The following ATRN variants were observed in gnomAD, a reference collection of about 807,000 sequenced individuals.
ATRN encodes attractin, also known as attractin-2.
ATRN carries 54 observed loss-of-function variants against 178.7 expected under a neutral mutation model. The observed-to-expected ratio is 0.30, with a 90% CI of 0.24 to 0.38. The LOEUF is 0.38. ATRN is among the 10% of genes least tolerant of loss of function. ATRN has a pLI of 1.00. For missense variants in ATRN, 1,443 were observed against 1,815.1 expected (o/e 0.79, Z 3.73); for synonymous variants, 636 against 663.0 (o/e 0.96, Z 0.63).
rs1285811353 is a variant in ATRN, at chr20:3,604,230, G to A, written c.3769G>A (p.Val1257Ile). The A allele has an allele frequency of 1.2e-6, 2 of 1,609,526 alleles. No homozygotes were observed. Among genetic ancestry groups the A allele is most frequent in the Non-Finnish European group, 1.7e-6 (2 of 1,178,882 alleles). The change falls in exon 24 of 29, where the codon GTC (valine) becomes ATC (isoleucine). Residue 1257 changes from valine to isoleucine, a missense_variant. Physicochemically the swap from Val to Ile is conservative, Grantham distance 29. Coordinates refer to ENST00000262919, the MANE Select transcript of ATRN (RefSeq NM_139321.3). The part of the protein sequence containing the change: ...NHPNITFFVY[V>I]SNFTWPIKIQ... The stretch of plus-strand genomic sequence containing the variant: ...CCCAAATATCACTTTCTTTGTTTAT[G>A]TCAGTAATTTCACCTGGCCCATCAA...
At chr20:3,573,590 A>G (rs1192242703) in intron 12 of ATRN, among the ~76,000 whole-genome samples, 1 of 152,108 alleles carries the variant, frequency 6.6e-6, no homozygotes, top group Non-Finnish European at 1.5e-5. Flanking sequence ...CAAGACAGAC[A>G]GTTACTGAGG....
chr20:3,601,697 CAAAAAAAA>C (rs11475145), intron 23 of ATRN, among the ~76,000 whole-genome samples: 1 of 84,866 alleles, frequency 1.2e-5, no homozygotes, highest in African/African-American at 4.6e-5. Context: ...ACCCTGTCTA[CAAAAAAAA>C]AAAAAAAAAA....
intron 1 of ATRN, among the ~76,000 whole-genome samples, chr20:3,504,614 G>C (rs567641897): frequency 1.3e-5 from 2 of 150,744 alleles, no homozygotes; most frequent in East Asian, 3.9e-4. Context: ...GAAGCTGGGA[G>C]GGGGAGGTTG....
At chr20:3,596,105 G>T (rs2086524476) in intron 20 of ATRN, among the ~76,000 whole-genome samples, 1 of 152,210 alleles carries the variant, frequency 6.6e-6, no homozygotes, top group Non-Finnish European at 1.5e-5. Context: ...TTTCATTATA[G>T]TAAATAGGTT....
chr20:3,638,816 A>G lies in ATRN; in HGVS notation c.3943-12A>G. 2 of 1,613,162 alleles carry G rather than the reference A, an allele frequency of 1.2e-6. No individual in the cohort carries two copies. Among genetic ancestry groups the G allele is most frequent in the South Asian group, 2.2e-5 (2 of 91,032 alleles). On this transcript the variant is annotated splice_polypyrimidine_tract_variant and intron_variant, in intron 26 of 28. Transcript: ENST00000262919. The surrounding 1 kb of genome is among the most constrained non-coding windows in gnomAD (Gnocchi z 4.5). ...CTCATTCCATTAATGGCTTTGCCAT[A>G]TTATTTATCAGCAACTTCTTCGAGA... is the stretch of plus-strand genomic sequence containing the variant.
At chr20:3,493,097 T>C (rs2146092882) in intron 1 of ATRN, among the ~76,000 whole-genome samples, 1 of 138,810 alleles carries the variant, frequency 7.2e-6, no homozygotes, top group East Asian at 2.0e-4. Flanking sequence ...ATATATAATA[T>C]ATATACATAT....
chr20:3,494,557 G>A (rs1440506737), intron 1 of ATRN, among the ~76,000 whole-genome samples: 1 of 152,096 alleles, frequency 6.6e-6, no homozygotes, highest in Non-Finnish European at 1.5e-5. Flanking sequence ...GATCAAAGAG[G>A]GAAAAAGATG....
chr20:3,588,326 T>A (rs1480182179), intron 18 of ATRN, among the ~76,000 whole-genome samples: 2 of 152,238 alleles, frequency 1.3e-5, no homozygotes, highest in South Asian at 2.1e-4. Context: ...TAGTTTTTTT[T>A]ATACATGCCC....
intron 15 of ATRN, among the ~76,000 whole-genome samples, chr20:3,579,007 G>A (rs13038198): frequency 0.012 from 1,777 of 152,210 alleles, 17 homozygotes; most frequent in Non-Finnish European, 0.016. Context: ...GGGATGAATT[G>A]TAACATGTAT....
chr20:3,596,492 A>T (rs1841540170), intron 21 of ATRN, 63 bp downstream of exon 21: 1 of 1,485,892 alleles, frequency 6.7e-7, no homozygotes, highest in Admixed American at 1.7e-5. Flanking sequence ...TCATTGTTTA[A>T]ACGGGTTTGA....
chr20:3,526,716 T>G (rs546477264), intron 1 of ATRN, among the ~76,000 whole-genome samples: 6 of 152,084 alleles, frequency 3.9e-5, no homozygotes, highest in Admixed American at 6.5e-5. Context: ...CAAAACAGCA[T>G]GATACCAAAA....
intron 1 of ATRN, among the ~76,000 whole-genome samples, chr20:3,495,493 C>T (rs2146097300): frequency 6.6e-6 from 1 of 152,250 alleles, no homozygotes; most frequent in Admixed American, 6.5e-5. Context: ...TATTTTGTGT[C>T]TTGCTTATTT....
intron 1 of ATRN, among the ~76,000 whole-genome samples, chr20:3,534,782 C>T (rs752348864): frequency 3.3e-5 from 5 of 151,964 alleles, no homozygotes; most frequent in Non-Finnish European, 7.4e-5. Context: ...TGGGCAACAT[C>T]GTGAGACTCT....
intron 25 of ATRN, among the ~76,000 whole-genome samples, chr20:3,625,097 G>A (rs34903383): frequency 0.12 from 18,558 of 152,138 alleles, 1,462 homozygotes; most frequent in Non-Finnish European, 0.18. Context: ...AAAACGTGCT[G>A]CAGTTTTTAA....
chr20:3,544,714 C>T (rs186327212), intron 3 of ATRN, among the ~76,000 whole-genome samples: 37 of 152,160 alleles, frequency 2.4e-4, no homozygotes, highest in Admixed American at 2.0e-3. Context: ...GTGGGATGGA[C>T]CCTTCATTCT....
At chr20:3,518,994 C>T (rs2085245325) in intron 1 of ATRN, among the ~76,000 whole-genome samples, 3 of 109,710 alleles carry the variant, frequency 2.7e-5, no homozygotes, top group Admixed American at 2.6e-4. Flanking sequence ...CTTCAATAAA[C>T]ATCCTTATAT....
At chr20:3,528,418 A>G (rs2085404231) in intron 1 of ATRN, among the ~76,000 whole-genome samples, 1 of 152,138 alleles carries the variant, frequency 6.6e-6, no homozygotes. Context: ...CACCTGTAAA[A>G]ATGAATGCAG....
chr20:3,485,549 G>A (rs2084678138), intron 1 of ATRN, among the ~76,000 whole-genome samples: 1 of 145,516 alleles, frequency 6.9e-6, no homozygotes, highest in Non-Finnish European at 1.5e-5. Context: ...AACCCATTTT[G>A]GCCATGATAT....
chr20:3,535,961 G>A (rs572113033), intron 2 of ATRN, among the ~76,000 whole-genome samples: 4 of 152,136 alleles, frequency 2.6e-5, no homozygotes, highest in East Asian at 3.9e-4. Context: ...TTTGCTTAAA[G>A]CATTAGAAAA....
Sources: gnomAD v4.1 joint callset for allele counts (sites outside exome capture counted in the v4.1 genomes callset) on GRCh38, gnomAD v4.1.1 for gene constraint, Gnocchi (gnomAD v3.1) non-coding constraint, MANE v1.5 for transcripts, NCBI Gene and HGNC (gene_info 2026-07-23, HGNC 2026-07-21) for gene names.